DDX4: variants seen among roughly 807,000 people sequenced by gnomAD.
DDX4 encodes DEAD-box helicase 4.
Under a neutral mutation model 100.0 loss-of-function variants are expected in DDX4, and 25 were observed. The observed-to-expected ratio is 0.25, with a 90% CI of 0.18 to 0.35. The LOEUF (loss-of-function observed/expected upper bound fraction) is 0.35, where lower values mean the gene tolerates loss of function less well. DDX4 is among the 10% of genes least tolerant of loss of function. DDX4 has a pLI of 1.00. For synonymous variants in DDX4, 259 were observed against 275.7 expected (o/e 0.94, Z 0.60); for missense variants, 635 against 882.4 (o/e 0.72, Z 3.55).
chr5:55,812,567 T>A (rs1744181920), intron 18 of DDX4, among the ~76,000 whole-genome samples: 1 of 151,302 alleles, frequency 6.6e-6, no homozygotes, highest in African/African-American at 2.4e-5. Context: ...CACTCCAGCC[T>A]GGGCAACAGA....
At chr5:55,768,052 A>C in intron 7 of DDX4, 112 bp downstream of exon 7, 1 of 979,858 alleles carries the variant, frequency 1.0e-6, no homozygotes, top group African/African-American at 1.6e-5. Flanking sequence ...CTTTGAAGAA[A>C]AATACTTTGG....
intron 7 of DDX4, among the ~76,000 whole-genome samples, chr5:55,775,837 T>C (rs1741527748): frequency 6.6e-6 from 1 of 152,082 alleles, no homozygotes. Flanking sequence ...ATATATTTTG[T>C]TGGCCGGGCG....
intron 3 of DDX4, among the ~76,000 whole-genome samples, chr5:55,758,756 C>T (rs888932938): frequency 2.6e-5 from 4 of 151,468 alleles, no homozygotes; most frequent in African/African-American, 9.7e-5. Context: ...TCTGTTCTCC[C>T]TTCACCCCCA....
At chr5:55,790,868 C>T (rs912485503) in intron 16 of DDX4, among the ~76,000 whole-genome samples, 163 bp downstream of exon 16, 2 of 152,256 alleles carry the variant, frequency 1.3e-5, no homozygotes, top group East Asian at 1.9e-4. Flanking sequence ...TCAAGATAAT[C>T]GCAGGGAATA....
rs1163467100 is a variant in DDX4 at position 55,781,110 on chromosome 5, C to G, written c.541C>G (p.Leu181Val). The G allele has an allele frequency of 6.2e-7, 1 of 1,612,640 alleles. No individual in the cohort carries two copies. The highest frequency in any genetic ancestry group is 1.3e-5 in the African/African-American group (1 of 74,954). Residue 181 changes from leucine to valine, a missense_variant, in exon 9 of 22, where the codon CTT becomes GTT. By Grantham distance (32) the Leu-to-Val change is conservative. Coordinates refer to ENST00000505374, the MANE Select transcript of DDX4 (RefSeq NM_024415.3). ...CGAATGTATGCAGCGCACTGGTGGC[C>G]TTTTTGGTTCTAGAAGACCAGTATT... ...PDECMQRTGG[L>V]FGSRRPVLSG...
intron 18 of DDX4, among the ~76,000 whole-genome samples, chr5:55,808,490 G>A (rs1743896071): frequency 6.6e-6 from 1 of 152,180 alleles, no homozygotes; most frequent in Non-Finnish European, 1.5e-5. Context: ...TACAGATGGG[G>A]TTTTGGTGTG....
intron 7 of DDX4, 111 bp downstream of exon 7, chr5:55,768,051 A>G: frequency 1.0e-6 from 1 of 987,130 alleles, no homozygotes; most frequent in Non-Finnish European, 1.6e-6. Context: ...CCTTTGAAGA[A>G]AAATACTTTG....
chr5:55,754,597 G>T (rs1561483763), intron 3 of DDX4, among the ~76,000 whole-genome samples: 1 of 151,012 alleles, frequency 6.6e-6, no homozygotes. Context: ...GAGGATTTTT[G>T]CATCAATGTT....
intron 4 of DDX4, among the ~76,000 whole-genome samples, chr5:55,762,931 C>T (rs1740654118): frequency 1.3e-5 from 2 of 151,976 alleles, no homozygotes; most frequent in South Asian, 4.1e-4. Context: ...TGAAGGTCTC[C>T]AATATAATAC....
At chr5:55,755,225 C>G (rs1180833398) in intron 3 of DDX4, among the ~76,000 whole-genome samples, 4 of 152,112 alleles carry the variant, frequency 2.6e-5, no homozygotes, top group African/African-American at 9.7e-5. Context: ...AAATAACAAA[C>G]ATCTAGGCTT....
At chr5:55,767,334 G>A (rs772266176) in intron 6 of DDX4, among the ~76,000 whole-genome samples, 3 of 152,136 alleles carry the variant, frequency 2.0e-5, no homozygotes, top group Non-Finnish European at 2.9e-5. Context: ...CCAGCTACTC[G>A]GTAGGCTGAG....
intron 21 of DDX4, 129 bp from the exon 22 acceptor site, chr5:55,816,334 T>C (rs1443122271): frequency 1.5e-6 from 2 of 1,365,960 alleles, no homozygotes; most frequent in African/African-American, 3.0e-5. Context: ...ATAAAGTTCT[T>C]TGATTATTTG....
At chr5:55,748,058 T>G (rs532152269) in intron 3 of DDX4, among the ~76,000 whole-genome samples, 10 of 152,356 alleles carry the variant, frequency 6.6e-5, no homozygotes, top group African/African-American at 2.2e-4. Context: ...CTAATTCTCA[T>G]GAGCATCTTA....
chr5:55,767,410 CCAGCCTGGGCAATA>C (rs1272328196), intron 6 of DDX4, among the ~76,000 whole-genome samples: 4 of 152,148 alleles, frequency 2.6e-5, no homozygotes, highest in Non-Finnish European at 5.9e-5. Flanking sequence ...CCAGTGCACT[CCAGCCTGGGCAATA>C]CAGCTTGACT....
At chr5:55,764,265 C>G (rs570862326) in intron 6 of DDX4, among the ~76,000 whole-genome samples, 91 of 152,192 alleles carry the variant, frequency 6.0e-4, no homozygotes, top group African/African-American at 2.1e-3. Flanking sequence ...TGGCCTGTTG[C>G]CATCTGCCTT....
At chr5:55,755,566 G>A (rs1393435749) in intron 3 of DDX4, among the ~76,000 whole-genome samples, 2 of 152,054 alleles carry the variant, frequency 1.3e-5, no homozygotes, top group East Asian at 1.9e-4. Context: ...TAAGATTGGC[G>A]TATAGTTTTC....
intron 16 of DDX4, among the ~76,000 whole-genome samples, chr5:55,790,926 A>G (rs192125828): frequency 5.0e-4 from 76 of 152,328 alleles, no homozygotes; most frequent in Non-Finnish European, 9.1e-4. Flanking sequence ...GAGATTATGT[A>G]ATTTATTTTA....
At chr5:55,760,140 G>A (rs965051211) in intron 3 of DDX4, 60 bp from the exon 4 acceptor site, 1 of 1,523,510 alleles carries the variant, frequency 6.6e-7, no homozygotes, top group South Asian at 1.3e-5. Flanking sequence ...AAGGCTTAAG[G>A]TTTGCAAGTA....
intron 3 of DDX4, among the ~76,000 whole-genome samples, chr5:55,758,868 TAAAAAA>T (rs35392036): frequency 6.3e-4 from 44 of 70,320 alleles, no homozygotes; most frequent in African/African-American, 2.4e-3. Flanking sequence ...TTTGTTTCCT[TAAAAAA>T]AAAAAAAAAA....
Sources: allele counts gnomAD v4.1 joint callset (sites outside exome capture counted in the v4.1 genomes callset), GRCh38; gene constraint gnomAD v4.1.1; transcripts MANE v1.5; gene names NCBI Gene and HGNC (gene_info 2026-07-23, HGNC 2026-07-21).